Variants in MAP2K5 observed in about 807,000 individuals in gnomAD.
MAP2K5 encodes the protein dual specificity mitogen-activated protein kinase kinase 5.
A neutral mutation model predicts 83.1 loss-of-function variants in MAP2K5; 49 were observed. The ratio of observed to expected loss-of-function variants is 0.59; its 90% CI spans 0.47 to 0.75. The LOEUF is 0.75. Ranked by LOEUF, MAP2K5 falls within the 30% of genes least tolerant of loss-of-function variation. The probability of loss-of-function intolerance (pLI) is 0.00; values close to 1 mark genes in which losing one functional copy is unlikely to be tolerated. For missense variants in MAP2K5, 457 were observed against 557.5 expected, an observed-to-expected ratio of 0.82 and a Z score of 1.82; for synonymous variants, 202 against 191.8, an observed-to-expected ratio of 1.05 and a Z score of -0.44.
chr15:67,731,513 GA>G (rs1047061151), intron 17 of MAP2K5, among the ~76,000 whole-genome samples: 7 of 151,716 alleles, frequency 4.6e-5, no homozygotes, highest in African/African-American at 1.7e-4. Flanking sequence ...GGGTTCTAAA[GA>G]AAAAAAACAT....
chr15:67,624,136 G>A (rs998196697), intron 8 of MAP2K5, among the ~76,000 whole-genome samples: 3 of 151,164 alleles, frequency 2.0e-5, no homozygotes, highest in East Asian at 2.0e-4. Context: ...TCAGGAGATC[G>A]AGACCATCCT....
At chr15:67,642,249 A>G (rs1229797932) in intron 9 of MAP2K5, among the ~76,000 whole-genome samples, 1 of 152,228 alleles carries the variant, frequency 6.6e-6, no homozygotes, top group Non-Finnish European at 1.5e-5. Flanking sequence ...TTTCTTATAA[A>G]GAGGATTATA....
Position 67,741,655 on chromosome 15 carries a change from G to A in MAP2K5, c.1075-6576G>A, listed in dbSNP as rs2089495227. Among the ~76,000 whole-genome samples the A allele has an allele frequency of 5.3e-5, 8 of 152,150 alleles. No homozygotes were observed. In the South Asian group the frequency reaches 1.7e-3, roughly 32 times the overall value. On this transcript the variant is annotated intron_variant, in intron 17 of 21. Coordinates refer to ENST00000178640, the MANE Select transcript of MAP2K5 (RefSeq NM_145160.3). ...CCATGGAACACACGGGCTTCTTGGG[G>A]GTGGGGGAGTGTTGTTGGAGTATCC...
Position 67,755,665 on chromosome 15 carries a change from A to G in MAP2K5, c.1134+7064A>G, listed in dbSNP as rs896429551. Reference sequence around the variant, plus strand: ...CATAATGATTCTTTTTAGTACCACCATAATGATGTGCATATGCCAGCCAGA... The same window carrying G: ...CATAATGATTCTTTTTAGTACCACCGTAATGATGTGCATATGCCAGCCAGA... On this transcript the variant is annotated intron_variant, in intron 19 of 21. Transcript: ENST00000178640. This position sits in a 1 kb window ranked among gnomAD's most constrained non-coding sequence, Gnocchi z 4.7. Among the ~76,000 whole-genome samples the G allele has an allele frequency of 2.6e-5, 4 of 152,218 alleles. No homozygotes were observed. Among genetic ancestry groups the G allele is most frequent in the African/African-American group, 9.6e-5 (4 of 41,464 alleles).
chr15:67,631,514 A>T (rs1596685784), intron 9 of MAP2K5, among the ~76,000 whole-genome samples: 1 of 152,170 alleles, frequency 6.6e-6, no homozygotes, highest in East Asian at 1.9e-4. Flanking sequence ...TTCCTCAATC[A>T]TGTACAACGT....
intron 3 of MAP2K5, among the ~76,000 whole-genome samples, chr15:67,567,213 C>T (rs2084855710): frequency 6.6e-6 from 1 of 152,186 alleles, no homozygotes; most frequent in Non-Finnish European, 1.5e-5. Flanking sequence ...GATAGCTGCT[C>T]TGCATTTTGT....
chr15:67,628,901 C>G (rs1422307392), intron 8 of MAP2K5: 1 of 750,242 alleles, frequency 1.3e-6, no homozygotes, highest in South Asian at 1.3e-5. Context: ...GGATGGATGG[C>G]TATAATGGAT....
At chr15:67,771,125 ATGG>A (rs1267141583) in intron 20 of MAP2K5, among the ~76,000 whole-genome samples, 336 of 3,054 alleles carry the variant, frequency 0.11, 4 homozygotes, top group African/African-American at 0.27. Context: ...CTTAAAACAC[ATGG>A]TAATGTGTAC....
intron 8 of MAP2K5, among the ~76,000 whole-genome samples, chr15:67,606,769 G>C (rs1286212089): frequency 6.6e-6 from 1 of 152,206 alleles, no homozygotes; most frequent in African/African-American, 2.4e-5. Flanking sequence ...TAGAAGGACT[G>C]ATGGTCATTT....
intron 11 of MAP2K5, among the ~76,000 whole-genome samples, chr15:67,656,229 A>G (rs1033950329): frequency 6.6e-6 from 1 of 152,172 alleles, no homozygotes; most frequent in African/African-American, 2.4e-5. Flanking sequence ...GTCAATTTGC[A>G]TCATAGTAGT....
chr15:67,552,610 A>G lies in MAP2K5; in HGVS notation c.184+2528A>G. ...CCTCCACACCTAGCTAATTAAAAAA[A>G]TTTTTTTGTAGAAACGGGGTCTTGC... On this transcript the variant is annotated intron_variant, in intron 2 of 21. Coordinates refer to ENST00000178640, the MANE Select transcript of MAP2K5 (RefSeq NM_145160.3). The surrounding 1 kb of genome is among the most constrained non-coding windows in gnomAD (Gnocchi z 4.2). Among the ~76,000 whole-genome samples the G allele has an allele frequency of 6.6e-6, 1 of 151,932 alleles. No individual in the cohort carries two copies. Among genetic ancestry groups the G allele is most frequent in the East Asian group, 1.9e-4 (1 of 5,172 alleles).
Position 67,770,911 on chromosome 15 carries a change from T to C in MAP2K5, c.1196+1248T>C, listed in dbSNP as rs1015334492. ...AAATTTTATTAACACTGTTTCTATT[T>C]ATTTAAAATACTTATATAATATTGT... On this transcript the variant is annotated intron_variant, in intron 20 of 21. Coordinates refer to ENST00000178640, the MANE Select transcript of MAP2K5 (RefSeq NM_145160.3). This position sits in a 1 kb window ranked among gnomAD's most constrained non-coding sequence, Gnocchi z 5.0. Among the ~76,000 whole-genome samples the C allele has an allele frequency of 1.3e-5, 2 of 152,232 alleles. No individual in the cohort carries two copies. Among genetic ancestry groups the C allele is most frequent in the Non-Finnish European group, 2.9e-5 (2 of 68,040 alleles).
chr15:67,726,788 C>T (rs1246696467), intron 16 of MAP2K5, among the ~76,000 whole-genome samples: 1 of 152,210 alleles, frequency 6.6e-6, no homozygotes, highest in African/African-American at 2.4e-5. Context: ...TGCGATTCTG[C>T]TTTGAAAGTA....
In MAP2K5 at chr15:67,646,423, A is replaced by AT; in HGVS notation, c.696dup (p.Val233CysfsTer21). 2 of 1,603,178 alleles carry AT rather than the reference A, an allele frequency of 1.2e-6. No individual in the cohort carries two copies. Among genetic ancestry groups the AT allele is most frequent in the Non-Finnish European group, 1.7e-6 (2 of 1,172,070 alleles). On this transcript the variant is annotated frameshift_variant, in exon 11 of 22. Coordinates refer to ENST00000178640, the MANE Select transcript of MAP2K5 (RefSeq NM_145160.3). LOFTEE classifies it high-confidence loss of function. ...CATATATCATTGGATTTTATGGAGC[A>AT]TTTTTTGTAGAAAACAGGATTTCAA... is the stretch of plus-strand genomic sequence containing the variant.
intron 21 of MAP2K5, among the ~76,000 whole-genome samples, chr15:67,773,709 A>G (rs1053733832): frequency 2.0e-5 from 3 of 152,140 alleles, no homozygotes; most frequent in African/African-American, 7.2e-5. Flanking sequence ...CTGGAGCAAA[A>G]TCTCAGTTTT....
chr15:67,761,766 C>T (rs1190020271), intron 19 of MAP2K5, among the ~76,000 whole-genome samples: 1 of 152,086 alleles, frequency 6.6e-6, no homozygotes, highest in Non-Finnish European at 1.5e-5. Context: ...TTCATTTAGG[C>T]ACCTATTAAG....
chr15:67,618,363 C>T (rs2086102876), intron 8 of MAP2K5, among the ~76,000 whole-genome samples: 2 of 152,126 alleles, frequency 1.3e-5, no homozygotes, highest in Non-Finnish European at 2.9e-5. Context: ...TCTTTCTGAC[C>T]TCTGAATTTA....
intron 17 of MAP2K5, among the ~76,000 whole-genome samples, chr15:67,735,760 A>G (rs2141256832): frequency 6.6e-6 from 1 of 152,332 alleles, no homozygotes; most frequent in East Asian, 1.9e-4. Flanking sequence ...TTAAATAATC[A>G]GTTTAGCCCA....
In MAP2K5 at chr15:67,693,636, T is replaced by C. The variant is rs2088171167; in HGVS notation, c.972+68T>C. ...TTATCTTTATGTACTTGGTAATGTATAATTCTTGAATTAATTCCACAGCTT... is the reference window on the plus strand; with the variant it reads ...TTATCTTTATGTACTTGGTAATGTACAATTCTTGAATTAATTCCACAGCTT... On this transcript the variant is annotated intron_variant, in intron 15 of 21. Coordinates refer to ENST00000178640, the MANE Select transcript of MAP2K5 (RefSeq NM_145160.3). 2.0e-5 allele frequency: 24 copies of C among 1,179,434 alleles called. 1 individual carries two copies. The South Asian group carries it at 2.8e-4, about 14-fold the overall frequency. The allele number at this position is 1,179,434 out of a possible 1,614,324, so 73.1% of individuals were successfully genotyped here.
Sources: allele counts gnomAD v4.1 joint callset (sites outside exome capture counted in the v4.1 genomes callset), GRCh38; gene constraint gnomAD v4.1.1; non-coding constraint Gnocchi (gnomAD v3.1); transcripts MANE v1.5; gene names NCBI Gene and HGNC (gene_info 2026-07-23, HGNC 2026-07-21).